The following GPC3 variants were observed in gnomAD, a reference collection of about 807,000 sequenced individuals.
The protein encoded by GPC3 is glypican 3.
Under a neutral mutation model 34.4 loss-of-function variants are expected in GPC3, and 3 were observed. The observed-to-expected ratio is 0.09, with a 90% CI of 0.04 to 0.23. The LOEUF (loss-of-function observed/expected upper bound fraction) is 0.23. Among genes scored for constraint, GPC3 ranks in the 10% least tolerant of loss-of-function variants. The probability of loss-of-function intolerance (pLI) is 1.00; values close to 1 mark genes in which losing one functional copy is unlikely to be tolerated. For missense variants in GPC3, 351 were observed against 445.6 expected (o/e 0.79, Z 1.91); for synonymous variants, 177 against 174.0 (o/e 1.02, Z -0.13).
intron 2 of GPC3, among the ~76,000 whole-genome samples, chrX:133,767,940 G>A (rs913202081): frequency 1.9e-5 from 2 of 106,843 alleles, no homozygotes; most frequent in Admixed American, 1.0e-4. Context: ...TAGGGAGTCT[G>A]TGTGAGAGAA....
At chrX:133,691,672 G>T (rs1349444276) in intron 5 of GPC3, among the ~76,000 whole-genome samples, 1 of 110,952 alleles carries the variant, frequency 9.0e-6, no homozygotes, top group Non-Finnish European at 1.9e-5. Flanking sequence ...TCATTTCATA[G>T]GATTTTTATA....
chrX:133,775,279 G>A (rs754473754), intron 2 of GPC3, among the ~76,000 whole-genome samples: 6 of 108,842 alleles, frequency 5.5e-5, no homozygotes, highest in Admixed American at 9.8e-5. Flanking sequence ...ACAAATATGC[G>A]ACTCCACTGT....
chrX:133,571,559 A>T (rs1245063129), intron 7 of GPC3, among the ~76,000 whole-genome samples: 1 of 111,555 alleles, frequency 9.0e-6, no homozygotes, highest in East Asian at 2.8e-4. Context: ...TAATCTGATT[A>T]GGTTACCAAA....
rs190976710 is a variant in GPC3 at position 133,912,355 on chromosome X, C to T, written c.337+40695G>A. The stretch of plus-strand genomic sequence containing the variant: ...GCACAGCTAAATCCTGAGAATTATG[C>T]TTAACCCTAGGCAGCCCAGAGCACG... On this transcript the variant is annotated intron_variant, in intron 2 of 7. Transcript: ENST00000370818. Among the ~76,000 whole-genome samples the T allele has an allele frequency of 2.7e-5, 3 of 112,192 alleles. No homozygotes were observed. The East Asian group carries it at 8.4e-4, about 32-fold the overall frequency.
chrX:133,625,159 C>T (rs1027945250), intron 6 of GPC3, among the ~76,000 whole-genome samples: 3 of 111,539 alleles, frequency 2.7e-5, no homozygotes, highest in Non-Finnish European at 3.8e-5. Flanking sequence ...ACTGATGGGA[C>T]GTATCTCAAA....
At chrX:133,976,927 TAATAAATA>T (rs3040476) in intron 1 of GPC3, among the ~76,000 whole-genome samples, 64 of 94,078 alleles carry the variant, frequency 6.8e-4, no homozygotes, top group Middle Eastern at 0.01. Flanking sequence ...CAAAAAATGA[TAATAAATA>T]AATAAATAAA....
intron 7 of GPC3, among the ~76,000 whole-genome samples, chrX:133,571,957 A>G (rs1166120770): frequency 8.9e-6 from 1 of 111,955 alleles, no homozygotes; most frequent in Non-Finnish European, 1.9e-5. Flanking sequence ...GTTTTAAAAT[A>G]TGAAATATAA....
chrX:133,827,239 A>C (rs1196290914), intron 2 of GPC3, among the ~76,000 whole-genome samples: 4 of 112,338 alleles, frequency 3.6e-5, no homozygotes, highest in Non-Finnish European at 7.5e-5. Context: ...GCTGAAATAT[A>C]AGGATATTAG....
chrX:133,672,619 C>T (rs1419305884), intron 5 of GPC3, among the ~76,000 whole-genome samples: 1 of 111,999 alleles, frequency 8.9e-6, no homozygotes, highest in Non-Finnish European at 1.9e-5. Flanking sequence ...TCAAGCTAAA[C>T]CAAAAGGACA....
intron 2 of GPC3, among the ~76,000 whole-genome samples, chrX:133,888,292 A>T (rs185049881): frequency 9.0e-6 from 1 of 111,645 alleles, no homozygotes; most frequent in African/African-American, 3.3e-5. Flanking sequence ...CATGGTGTAT[A>T]TGTGCCACAT....
At chrX:133,649,272 G>A (rs1298883511) in intron 6 of GPC3, among the ~76,000 whole-genome samples, 1 of 107,134 alleles carries the variant, frequency 9.3e-6, no homozygotes, top group Non-Finnish European at 1.9e-5. Context: ...ATATATATGT[G>A]TGTGTGTGTG....
At chrX:133,621,522 A>G (rs949449786) in intron 6 of GPC3, among the ~76,000 whole-genome samples, 1 of 112,138 alleles carries the variant, frequency 8.9e-6, no homozygotes, top group African/African-American at 3.2e-5. Flanking sequence ...CCTGGCTTGG[A>G]GGGTCCCACG....
intron 2 of GPC3, among the ~76,000 whole-genome samples, chrX:133,852,298 T>C (rs891291738): frequency 3.6e-5 from 4 of 111,847 alleles, no homozygotes; most frequent in Admixed American, 9.5e-5. Context: ...CAGACCCATC[T>C]TCCTGCCTCC....
chrX:133,582,108 A>T lies in GPC3; in HGVS notation c.1573+14332T>A, dbSNP rs1399301945. ...GTGACCACACTGAACACAGAATTGC[A>T]AGAGTATATATTATTTCCACCACAC... On this transcript the variant is annotated intron_variant, in intron 7 of 7. Coordinates refer to ENST00000370818, the MANE Select transcript of GPC3 (RefSeq NM_004484.4). Among the ~76,000 whole-genome samples the T allele has an allele frequency of 2.7e-5, 3 of 111,754 alleles. No individual in the cohort carries two copies. In the East Asian group the frequency reaches 8.4e-4, roughly 31 times the overall value.
At chrX:133,795,597 A>C (rs2075574539) in intron 2 of GPC3, among the ~76,000 whole-genome samples, 1 of 112,236 alleles carries the variant, frequency 8.9e-6, no homozygotes, top group South Asian at 3.7e-4. Context: ...AAAAAAAAAC[A>C]GTAAAACAAC....
At chrX:133,709,920 A>C (rs945995986) in intron 3 of GPC3, among the ~76,000 whole-genome samples, 1 of 112,225 alleles carries the variant, frequency 8.9e-6, no homozygotes, top group Admixed American at 9.5e-5. Flanking sequence ...TACTTCAGGA[A>C]GAACATCATT....
chrX:133,845,379 A>G (rs1397365460), intron 2 of GPC3, among the ~76,000 whole-genome samples: 2 of 111,811 alleles, frequency 1.8e-5, no homozygotes, highest in Non-Finnish European at 3.8e-5. Context: ...CTTTTCTTTC[A>G]TCAAAGATGA....
At chrX:133,762,759 CG>C in intron 2 of GPC3, 1 of 432,159 alleles carries the variant, frequency 2.3e-6, no homozygotes. Context: ...CAGCGTTTTT[CG>C]GGATTCCTGT....
At chrX:133,965,728 T>G (rs1004348040) in intron 1 of GPC3, among the ~76,000 whole-genome samples, 11 of 112,087 alleles carry the variant, frequency 9.8e-5, no homozygotes, top group Admixed American at 6.6e-4. Flanking sequence ...AACCTAAATG[T>G]TTCTGCCTAA....
Sources: allele counts gnomAD v4.1 joint callset (sites outside exome capture counted in the v4.1 genomes callset), GRCh38; gene constraint gnomAD v4.1.1; transcripts MANE v1.5; gene names NCBI Gene and HGNC (gene_info 2026-07-23, HGNC 2026-07-21).